The following GLIS3 variants were observed in gnomAD, a reference collection of about 807,000 sequenced individuals.
GLIS3 encodes zinc finger protein GLIS3.
Under a neutral mutation model 78.6 loss-of-function variants are expected in GLIS3, and 53 were observed. The observed-to-expected ratio is 0.67, with a 90% CI of 0.54 to 0.85. GLIS3 has a LOEUF of 0.85. GLIS3 is among the 40% of genes least tolerant of loss of function. The pLI is 0.00. For synonymous variants in GLIS3, 684 were observed against 509.9 expected (o/e 1.34, Z -4.60); for missense variants, 1,703 against 1,231.1 (o/e 1.38, Z -5.74).
chr9:4,385,494 T>C, the GLIS3 span, among the ~76,000 whole-genome samples: 1 of 151,670 alleles, frequency 6.6e-6, no homozygotes, highest in East Asian at 1.9e-4. Context: ...CATAACCCTG[T>C]CTCTACTAAA....
chr9:4,030,760 G>A (rs1823769633), intron 4 of GLIS3, among the ~76,000 whole-genome samples: 1 of 152,166 alleles, frequency 6.6e-6, no homozygotes, highest in Non-Finnish European at 1.5e-5. Context: ...ATAACTCGCT[G>A]AGAGGTCAAC....
At chr9:4,484,383 G>A in the GLIS3 span, among the ~76,000 whole-genome samples, 1 of 138,606 alleles carries the variant, frequency 7.2e-6, no homozygotes, top group Non-Finnish European at 1.5e-5. Context: ...GACCACAGGT[G>A]TGTGCTACCA....
chr9:4,032,908 C>T (rs1823970435), intron 4 of GLIS3, among the ~76,000 whole-genome samples: 4 of 151,664 alleles, frequency 2.6e-5, no homozygotes, highest in South Asian at 2.1e-4. Flanking sequence ...GGCTGGAGTG[C>T]GGTGGCGCAA....
intron 4 of GLIS3, among the ~76,000 whole-genome samples, chr9:4,096,410 C>A (rs561391212): frequency 6.6e-6 from 1 of 152,326 alleles, no homozygotes; most frequent in African/African-American, 2.4e-5. Context: ...AAAAGTAACA[C>A]ATTCATCCTG....
chr9:4,202,149 T>TTCC (rs1563747647), intron 2 of GLIS3, among the ~76,000 whole-genome samples: 7 of 36,008 alleles, frequency 1.9e-4, no homozygotes, highest in African/African-American at 7.9e-4. Context: ...TCTCCCCCTT[T>TTCC]TTCTTTTTTT....
chr9:4,385,705 AGAAAG>A, the GLIS3 span, among the ~76,000 whole-genome samples: 1 of 127,160 alleles, frequency 7.9e-6, no homozygotes, highest in Non-Finnish European at 1.6e-5. Context: ...AAAGAAACAA[AGAAAG>A]GAGAGAGAGA....
intron 4 of GLIS3, among the ~76,000 whole-genome samples, chr9:4,060,974 T>C (rs147151233): frequency 6.6e-6 from 1 of 152,198 alleles, no homozygotes; most frequent in Non-Finnish European, 1.5e-5. Flanking sequence ...GTTCCTACTT[T>C]CTGGCCTATC....
At chr9:3,921,187 T>G (rs1419906866) in intron 6 of GLIS3, among the ~76,000 whole-genome samples, 2 of 152,212 alleles carry the variant, frequency 1.3e-5, no homozygotes, top group South Asian at 2.1e-4. Context: ...ATGAGGACAG[T>G]TGAAATTGTA....
upstream of GLIS3, among the ~76,000 whole-genome samples, chr9:4,301,450 T>C (rs1320981042): frequency 3.9e-5 from 6 of 152,204 alleles, no homozygotes; most frequent in Non-Finnish European, 8.8e-5. Flanking sequence ...GAAATTGCCA[T>C]GACTATTCCA....
chr9:4,433,556 G>C, the GLIS3 span, among the ~76,000 whole-genome samples: 1 of 152,180 alleles, frequency 6.6e-6, no homozygotes, highest in Non-Finnish European at 1.5e-5. Flanking sequence ...ATAAAATATG[G>C]ACTCCGTTTT....
intron 4 of GLIS3, among the ~76,000 whole-genome samples, chr9:4,004,946 C>G (rs1821421752): frequency 6.6e-6 from 1 of 152,082 alleles, no homozygotes; most frequent in Non-Finnish European, 1.5e-5. Flanking sequence ...AGTAACCTTC[C>G]CAATGAAGCA....
intron 2 of GLIS3, among the ~76,000 whole-genome samples, chr9:4,205,998 G>A (rs1484305992): frequency 6.6e-6 from 1 of 152,124 alleles, no homozygotes; most frequent in East Asian, 1.9e-4. Flanking sequence ...CTTGTTCCAA[G>A]ATGCAAGATA....
At chr9:4,147,235 A>C (rs1016332989) in intron 2 of GLIS3, 2 of 152,236 alleles carry the variant, frequency 1.3e-5, no homozygotes, top group African/African-American at 4.8e-5. Flanking sequence ...ACGTACCTCC[A>C]TTCTATTATT....
At chr9:4,215,326 TATG>T (rs1454091203) in intron 2 of GLIS3, among the ~76,000 whole-genome samples, 1 of 31,296 alleles carries the variant, frequency 3.2e-5, no homozygotes, top group Non-Finnish European at 6.5e-5. Flanking sequence ...TGTGTGTGCA[TATG>T]TGTGTGTGTG....
At chr9:3,841,061 TA>T (rs933769763) in intron 9 of GLIS3, among the ~76,000 whole-genome samples, 2 of 151,970 alleles carry the variant, frequency 1.3e-5, no homozygotes, top group Admixed American at 1.3e-4. Context: ...AATAGGGAAA[TA>T]GGGGGGAAAA....
At chr9:3,860,400 C>T (rs1399699999) in intron 8 of GLIS3, among the ~76,000 whole-genome samples, 1 of 151,644 alleles carries the variant, frequency 6.6e-6, no homozygotes, top group South Asian at 2.1e-4. Flanking sequence ...TTTACTTGGC[C>T]ACTCTCCTTC....
the GLIS3 span, among the ~76,000 whole-genome samples, chr9:4,402,613 T>G: frequency 6.6e-6 from 1 of 152,078 alleles, no homozygotes; most frequent in Non-Finnish European, 1.5e-5. Context: ...CAGATAAATT[T>G]AACAAAAAGA....
intron 4 of GLIS3, among the ~76,000 whole-genome samples, chr9:4,064,245 C>T (rs539566951): frequency 2.6e-5 from 4 of 151,856 alleles, no homozygotes; most frequent in African/African-American, 4.8e-5. Flanking sequence ...ATAAATTCTA[C>T]AAGGAATAAA....
intron 2 of GLIS3, among the ~76,000 whole-genome samples, chr9:4,233,468 G>C (rs576243991): frequency 6.6e-6 from 1 of 152,306 alleles, no homozygotes; most frequent in South Asian, 2.1e-4. Flanking sequence ...CATTGTTAAT[G>C]ACTAGTAATA....
Sources: allele counts gnomAD v4.1 joint callset (sites outside exome capture counted in the v4.1 genomes callset), GRCh38; gene constraint gnomAD v4.1.1; transcripts MANE v1.5; gene names NCBI Gene and HGNC (gene_info 2026-07-23, HGNC 2026-07-21).